Variants in ATRNL1 observed in about 807,000 individuals in gnomAD.
The protein encoded by ATRNL1 is attractin like 1.
A neutral mutation model predicts 182.7 loss-of-function variants in ATRNL1; 95 were observed. That is an observed-to-expected ratio of 0.52 (90% CI 0.44 to 0.62). The LOEUF (loss-of-function observed/expected upper bound fraction) is 0.62. Ranked by LOEUF, ATRNL1 falls within the 20% of genes least tolerant of loss-of-function variation. ATRNL1 has a pLI of 0.00. For synonymous variants in ATRNL1, 576 were observed against 568.3 expected, an observed-to-expected ratio of 1.01 and a Z score of -0.19; for missense variants, 1,471 against 1,679.5, an observed-to-expected ratio of 0.88 and a Z score of 2.17.
chr10:115,494,235 C>T (rs1849439712), intron 24 of ATRNL1, among the ~76,000 whole-genome samples: 1 of 152,084 alleles, frequency 6.6e-6, no homozygotes, highest in Admixed American at 6.6e-5. Flanking sequence ...AGCTTTTGGT[C>T]AGACACTATG....
At chr10:115,203,312 T>A (rs11197116) in intron 8 of ATRNL1, among the ~76,000 whole-genome samples, 31,843 of 152,040 alleles carry the variant, frequency 0.21, 4,270 homozygotes, top group Non-Finnish European at 0.3. Context: ...GTTTGCCATA[T>A]AAGCTGTTGA....
chr10:115,094,448 A>C (rs188824065), intron 1 of ATRNL1, among the ~76,000 whole-genome samples: 3 of 152,254 alleles, frequency 2.0e-5, no homozygotes, highest in African/African-American at 4.8e-5. Context: ...AAAAATTCAC[A>C]AAAGTGTAAA....
chr10:115,590,111 G>C (rs2133914507), intron 26 of ATRNL1, among the ~76,000 whole-genome samples: 1 of 152,270 alleles, frequency 6.6e-6, no homozygotes, highest in African/African-American at 2.4e-5. Context: ...GAATAAATCT[G>C]AATTGTAGAG....
chr10:115,472,785 CA>C (rs1848364390), intron 24 of ATRNL1, among the ~76,000 whole-genome samples: 1 of 151,012 alleles, frequency 6.6e-6, no homozygotes, highest in African/African-American at 2.4e-5. Context: ...ATGTCATCTG[CA>C]AACAGAGACA....
chr10:115,561,489 C>T (rs966299056), intron 26 of ATRNL1, among the ~76,000 whole-genome samples: 1 of 152,116 alleles, frequency 6.6e-6, no homozygotes, highest in African/African-American at 2.4e-5. Context: ...CAACTATTTA[C>T]ATAACATTTG....
At chr10:115,804,692 C>G (rs782160151) in intron 27 of ATRNL1, among the ~76,000 whole-genome samples, 19 of 152,130 alleles carry the variant, frequency 1.2e-4, no homozygotes, top group Non-Finnish European at 2.8e-4. Flanking sequence ...AACAAAGGCT[C>G]AAGGATCCTT....
At chr10:115,300,962 T>C (rs182009981) in intron 16 of ATRNL1, among the ~76,000 whole-genome samples, 1 of 152,290 alleles carries the variant, frequency 6.6e-6, no homozygotes, top group Admixed American at 6.5e-5. Context: ...AATTTACTAC[T>C]TCAGGTACCT....
chr10:115,325,806 G>A (rs782677580), intron 18 of ATRNL1, among the ~76,000 whole-genome samples: 4 of 151,938 alleles, frequency 2.6e-5, no homozygotes, highest in Non-Finnish European at 2.9e-5. Context: ...ATCATTGCTG[G>A]TACATTTACT....
chr10:115,313,630 G>A (rs1337275374), intron 17 of ATRNL1, among the ~76,000 whole-genome samples: 1 of 152,098 alleles, frequency 6.6e-6, no homozygotes, highest in African/African-American at 2.4e-5. Context: ...TAGGTCAATA[G>A]GTGGTGTCCA....
At chr10:115,707,752 T>C in intron 26 of ATRNL1, among the ~76,000 whole-genome samples, 1 of 151,710 alleles carries the variant, frequency 6.6e-6, no homozygotes, top group East Asian at 1.9e-4. Flanking sequence ...ATAGACCAAA[T>C]TGTCTCCAAT....
At chr10:115,713,698 T>TATC (rs1267587177) in intron 26 of ATRNL1, among the ~76,000 whole-genome samples, 3 of 112,138 alleles carry the variant, frequency 2.7e-5, no homozygotes, top group Admixed American at 9.5e-5. Context: ...TCTATCTATC[T>TATC]ATCTATCATC....
chr10:115,094,477 G>C (rs541285928), intron 1 of ATRNL1, among the ~76,000 whole-genome samples: 3 of 152,304 alleles, frequency 2.0e-5, no homozygotes, highest in African/African-American at 7.2e-5. Context: ...TATGATCTAT[G>C]AGTGCCTCTC....
In ATRNL1 at chr10:115,731,969, G is replaced by A. The variant is rs192373941; in HGVS notation, c.3903+4614G>A. The stretch of plus-strand genomic sequence containing the variant: ...CGCTTAGCATAATGTCTTTAAAGTT[G>A]ATACGTGTTGTAGCGCCTGTTAGTG... On this transcript the variant is annotated intron_variant, in intron 27 of 28. Coordinates refer to ENST00000355044, the MANE Select transcript of ATRNL1 (RefSeq NM_207303.4). Among the ~76,000 whole-genome samples the A allele has an allele frequency of 1.1e-4, 16 of 152,208 alleles. No homozygotes were observed. The East Asian group carries it at 3.1e-3, about 29-fold the overall frequency.
chr10:115,939,924 C>T (rs1555123790), intron 28 of ATRNL1, among the ~76,000 whole-genome samples: 1 of 152,100 alleles, frequency 6.6e-6, no homozygotes, highest in Admixed American at 6.6e-5. Context: ...TTCTAGGTTG[C>T]TTTTCTTTTA....
intron 19 of ATRNL1, among the ~76,000 whole-genome samples, chr10:115,371,625 C>T (rs1857399409): frequency 6.6e-6 from 1 of 152,176 alleles, no homozygotes; most frequent in Non-Finnish European, 1.5e-5. Context: ...AATGCCTGTA[C>T]CCCCATTGTA....
chr10:115,515,318 C>CTTTTTTTT (rs56692263), intron 24 of ATRNL1, among the ~76,000 whole-genome samples: 4 of 120,178 alleles, frequency 3.3e-5, no homozygotes, highest in Admixed American at 8.6e-5. Context: ...AATAGTTGTT[C>CTTTTTTTT]TTTTTTTTTT....
intron 24 of ATRNL1, among the ~76,000 whole-genome samples, chr10:115,505,052 T>C (rs896684955): frequency 1.3e-5 from 2 of 152,052 alleles, no homozygotes; most frequent in Non-Finnish European, 2.9e-5. Flanking sequence ...AATTACAAAA[T>C]TTACATAATA....
intron 26 of ATRNL1, among the ~76,000 whole-genome samples, chr10:115,579,996 A>G (rs1373992625): frequency 2.6e-5 from 4 of 152,014 alleles, no homozygotes; most frequent in Non-Finnish European, 4.4e-5. Context: ...CACTGCTTTT[A>G]CCTTTCCTCT....
intron 27 of ATRNL1, among the ~76,000 whole-genome samples, chr10:115,727,928 A>G (rs1947650332): frequency 6.6e-6 from 1 of 152,048 alleles, no homozygotes; most frequent in African/African-American, 2.4e-5. Flanking sequence ...TAAATATGGT[A>G]TTAGAATCCA....
Sources: allele counts gnomAD v4.1 joint callset (sites outside exome capture counted in the v4.1 genomes callset), GRCh38; gene constraint gnomAD v4.1.1; transcripts MANE v1.5; gene names NCBI Gene and HGNC (gene_info 2026-07-23, HGNC 2026-07-21).